Variants in APBA2 observed in about 807,000 individuals in gnomAD.
APBA2 encodes amyloid beta precursor protein binding family A member 2, also known as amyloid-beta A4 precursor protein-binding family A member 2.
Under a neutral mutation model 75.0 loss-of-function variants are expected in APBA2, and 30 were observed. The ratio of observed to expected loss-of-function variants is 0.40; its 90% CI spans 0.30 to 0.54. The LOEUF (loss-of-function observed/expected upper bound fraction) is 0.54, where lower values mean the gene tolerates loss of function less well. Among genes scored for constraint, APBA2 ranks in the 20% least tolerant of loss-of-function variants. The pLI, the probability that APBA2 is intolerant of heterozygous loss-of-function variation, is 0.49. For synonymous variants in APBA2, 444 were observed against 409.6 expected (o/e 1.08, Z -1.01); for missense variants, 801 against 1,016.1 (o/e 0.79, Z 2.88).
intron 4 of APBA2, among the ~76,000 whole-genome samples, chr15:29,059,699 A>G (rs1344696430): frequency 1.3e-5 from 2 of 152,232 alleles, no homozygotes; most frequent in Admixed American, 1.3e-4. Flanking sequence ...CGAGGCTCAT[A>G]GGAACCTAAC....
intron 3 of APBA2, among the ~76,000 whole-genome samples, chr15:29,004,303 C>T (rs1348645870): frequency 6.6e-6 from 1 of 152,302 alleles, no homozygotes; most frequent in Non-Finnish European, 1.5e-5. Context: ...CCCCTGGTTG[C>T]CCCCTTCCTG....
intron 10 of APBA2, 137 bp from the exon 11 acceptor site, chr15:29,105,239 GTTC>G (rs1239273237): frequency 7.4e-6 from 6 of 807,228 alleles, no homozygotes; most frequent in Middle Eastern, 3.6e-4. Context: ...TTTCTTTCTT[GTTC>G]TTCTAAGCCC....
chr15:29,016,237 C>A (rs1450106663), intron 3 of APBA2, among the ~76,000 whole-genome samples: 1 of 152,128 alleles, frequency 6.6e-6, no homozygotes, highest in Non-Finnish European at 1.5e-5. Context: ...AGCCTGGAGA[C>A]AGAGTGAGAC....
rs148524462 is a variant in APBA2 at position 28,972,936 on chromosome 15, T to C, written c.-94-22817T>C. ...TTTTCCTATTACAATTGCATTTTAA[T>C]GCTATGTGTAAACCTCAAATTAGCA... is the stretch of plus-strand genomic sequence containing the variant. On this transcript the variant is annotated intron_variant, in intron 2 of 14. Coordinates refer to ENST00000683413, the MANE Select transcript of APBA2 (RefSeq NM_001353788.2). 4.1e-4 allele frequency among the ~76,000 whole-genome samples: 62 copies of C among 152,386 alleles called. No individual in the cohort carries two copies. The East Asian group carries it at 0.012, about 29-fold the overall frequency.
chr15:29,117,089 A>G lies in APBA2; in HGVS notation c.2206A>G (p.Met736Val). ...EIHMKTMPAAMFRLLTGQETP... is the reference protein window; with the variant it reads ...EIHMKTMPAAVFRLLTGQETP... The stretch of plus-strand genomic sequence containing the variant: ...CCACATGAAGACCATGCCCGCCGCC[A>G]TGTTCAGGCTCCTCACGGGTCAGGA... The change falls in exon 15 of 15, where the codon ATG (methionine) becomes GTG (valine). Residue 736 changes from methionine to valine, a missense_variant. By Grantham distance (21) the Met-to-Val change is conservative. Transcript: ENST00000683413. The G allele has an allele frequency of 4.3e-6, 7 of 1,613,220 alleles. No homozygotes were observed. Among genetic ancestry groups the G allele is most frequent in the South Asian group, 3.3e-5 (3 of 91,074 alleles).
intron 2 of APBA2, among the ~76,000 whole-genome samples, chr15:28,959,537 C>T (rs948973365): frequency 3.3e-5 from 5 of 151,974 alleles, no homozygotes; most frequent in Admixed American, 2.0e-4. Context: ...AGCCAAGGAG[C>T]GAGGCCTCCT....
chr15:28,969,844 C>T (rs1260004509), intron 2 of APBA2, among the ~76,000 whole-genome samples: 2 of 152,210 alleles, frequency 1.3e-5, no homozygotes, highest in African/African-American at 2.4e-5. Context: ...ACTTAGGTGC[C>T]GAAGCCAGAA....
chr15:28,900,448 T>G (rs1251697717), intron 1 of APBA2, among the ~76,000 whole-genome samples: 1 of 152,156 alleles, frequency 6.6e-6, no homozygotes, highest in African/African-American at 2.4e-5. Flanking sequence ...ACTTTATGCT[T>G]GGTGACACAT....
chr15:28,949,221 A>G (rs1268210913), intron 2 of APBA2, among the ~76,000 whole-genome samples: 1 of 152,100 alleles, frequency 6.6e-6, no homozygotes, highest in Non-Finnish European at 1.5e-5. Context: ...CCGAAAAGCA[A>G]GCCACCCAGA....
At chr15:28,958,593 C>T (rs1175085689) in intron 2 of APBA2, among the ~76,000 whole-genome samples, 1 of 152,198 alleles carries the variant, frequency 6.6e-6, no homozygotes, top group African/African-American at 2.4e-5. Context: ...TTGTCAGCGG[C>T]ACAGAGCTCT....
intron 13 of APBA2, among the ~76,000 whole-genome samples, 194 bp from the exon 14 acceptor site, chr15:29,113,682 A>G (rs2044869809): frequency 1.3e-5 from 2 of 152,314 alleles, no homozygotes; most frequent in South Asian, 2.1e-4. Flanking sequence ...CCCACACACC[A>G]TGGCATTAAC....
At chr15:29,077,812 C>T (rs1482590144) in intron 6 of APBA2, among the ~76,000 whole-genome samples, 3 of 152,178 alleles carry the variant, frequency 2.0e-5, no homozygotes, top group Non-Finnish European at 4.4e-5. Flanking sequence ...TTATATGCAG[C>T]GAGGCCTTCA....
intron 2 of APBA2, among the ~76,000 whole-genome samples, chr15:28,938,359 C>T (rs1386757666): frequency 2.0e-5 from 3 of 152,186 alleles, no homozygotes; most frequent in South Asian, 2.1e-4. Flanking sequence ...CAATTACAAA[C>T]GGAAGTGTGT....
At chr15:29,035,596 AC>A (rs1440265066) in intron 3 of APBA2, among the ~76,000 whole-genome samples, 4 of 152,144 alleles carry the variant, frequency 2.6e-5, no homozygotes, top group Non-Finnish European at 5.9e-5. Context: ...TTTTTCTGGG[AC>A]ATCATCATGG....
intron 3 of APBA2, among the ~76,000 whole-genome samples, chr15:29,030,697 A>C (rs1218440120): frequency 6.6e-6 from 1 of 151,638 alleles, no homozygotes; most frequent in Non-Finnish European, 1.5e-5. Context: ...GCCTAATGCT[A>C]CATAGGCAGT....
At chr15:29,055,378 A>G (rs2041837502) in intron 4 of APBA2, among the ~76,000 whole-genome samples, 1 of 152,216 alleles carries the variant, frequency 6.6e-6, no homozygotes, top group East Asian at 1.9e-4. Flanking sequence ...CCTATTTGGA[A>G]AAGGATTTTT....
At chr15:29,114,544 C>T (rs922843351) in intron 14 of APBA2, among the ~76,000 whole-genome samples, 7 of 151,738 alleles carry the variant, frequency 4.6e-5, no homozygotes, top group Non-Finnish European at 7.4e-5. Context: ...GCACATACAC[C>T]GGGGGAGGCC....
chr15:29,113,726 A>C, intron 13 of APBA2, 150 bp from the exon 14 acceptor site: 1 of 979,144 alleles, frequency 1.0e-6, no homozygotes, highest in Non-Finnish European at 1.5e-6. Context: ...TGCATATCAT[A>C]AGGATCTCTG....
rs1313374670 is a variant in APBA2 at position 29,102,171 on chromosome 15, G to C, written c.1524+387G>C. ...ATAAAGAAAGCACATCTGCACATGA[G>C]GCTTAGTTCTGCCTTTGCGTGTGGT... On this transcript the variant is annotated intron_variant, in intron 10 of 14. Transcript: ENST00000683413. 2.1e-5 allele frequency: 7 copies of C among 339,004 alleles called. No individual in the cohort carries two copies. The East Asian group carries it at 5.4e-4, about 26-fold the overall frequency. The allele number at this position is 339,004 out of a possible 1,614,324, so 21.0% of individuals were successfully genotyped here. A position where few individuals can be genotyped will look rare whatever the true frequency, so the allele number is the denominator to read the frequency against.
Sources: gnomAD v4.1 joint callset for allele counts (sites outside exome capture counted in the v4.1 genomes callset) on GRCh38, gnomAD v4.1.1 for gene constraint, MANE v1.5 for transcripts, NCBI Gene and HGNC (gene_info 2026-07-23, HGNC 2026-07-21) for gene names.